ALG1: variants seen among roughly 807,000 people sequenced by gnomAD.
The protein encoded by ALG1 is ALG1 chitobiosyldiphosphodolichol beta-mannosyltransferase, also known as chitobiosyldiphosphodolichol beta-mannosyltransferase.
In ALG1, 58 loss-of-function variants were observed where a neutral mutation model predicts 55.1. That is an observed-to-expected ratio of 1.05 (90% CI 0.85 to 1.31). The LOEUF is 1.31. Among genes scored for constraint, ALG1 ranks in the 50% most tolerant of loss-of-function variants. The probability of loss-of-function intolerance (pLI) is 0.00; values close to 1 mark genes in which losing one functional copy is unlikely to be tolerated. For missense variants in ALG1, 761 were observed against 598.6 expected, an observed-to-expected ratio of 1.27 and a Z score of -2.83; for synonymous variants, 309 against 247.0, an observed-to-expected ratio of 1.25 and a Z score of -2.35.
At chr16:5,072,894 T>C in intron 1 of ALG1, 57 bp from the exon 2 acceptor site, 1 of 1,488,598 alleles carries the variant, frequency 6.7e-7, no homozygotes, top group Non-Finnish European at 9.4e-7. Flanking sequence ...GTTGGGAGAT[T>C]ATCTGACTTT....
chr16:5,073,696 A>G (rs907498637), intron 3 of ALG1, among the ~76,000 whole-genome samples: 9 of 152,248 alleles, frequency 5.9e-5, no homozygotes, highest in African/African-American at 1.9e-4. Flanking sequence ...ACACGCACGC[A>G]TACGCGCGCA....
At chr16:5,077,771 A>T in intron 5 of ALG1, 136 bp from the exon 6 acceptor site, 1 of 1,096,564 alleles carries the variant, frequency 9.1e-7, no homozygotes. Flanking sequence ...ATTCCCAAGT[A>T]ATTGCAAGGC....
At chr16:5,083,943 G>T (rs1311924974) in intron 12 of ALG1, among the ~76,000 whole-genome samples, 186 bp downstream of exon 12, 1 of 152,024 alleles carries the variant, frequency 6.6e-6, no homozygotes, top group Admixed American at 6.6e-5. Context: ...CAGTAGGCTC[G>T]GGAAAGTTAA....
chr16:5,075,057 C>T (rs1956884423), intron 3 of ALG1, among the ~76,000 whole-genome samples: 1 of 152,140 alleles, frequency 6.6e-6, no homozygotes, highest in Non-Finnish European at 1.5e-5. Context: ...GTGTGTCCCA[C>T]CACACCTGGC....
At chr16:5,077,227 C>A (rs1956929021) in intron 4 of ALG1, among the ~76,000 whole-genome samples, 1 of 152,052 alleles carries the variant, frequency 6.6e-6, no homozygotes, top group African/African-American at 2.4e-5. Context: ...GGCTGGAGTG[C>A]AGTTTCCTTT....
intron 9 of ALG1, among the ~76,000 whole-genome samples, chr16:5,080,665 C>T (rs1185828810): frequency 6.6e-6 from 1 of 152,202 alleles, no homozygotes; most frequent in East Asian, 1.9e-4. Flanking sequence ...ACCCAGTGGG[C>T]GGTCGGGTGC....
intron 5 of ALG1, 89 bp from the exon 6 acceptor site, chr16:5,077,818 G>A (rs914265232): frequency 1.6e-6 from 2 of 1,248,972 alleles, no homozygotes; most frequent in African/African-American, 2.9e-5. Flanking sequence ...GATTCCCCAA[G>A]CGTCCTTCTT....
intron 9 of ALG1, among the ~76,000 whole-genome samples, chr16:5,080,333 G>A (rs1255473473): frequency 6.6e-6 from 1 of 152,088 alleles, no homozygotes; most frequent in Non-Finnish European, 1.5e-5. Flanking sequence ...CCAATATGCT[G>A]GAATTACAGG....
At position 5,084,808 on chromosome 16, in the gene ALG1, T is replaced by C; in HGVS notation, c.1322T>C (p.Leu441Pro). Residue 441 changes from leucine to proline, a missense_variant, in exon 13 of 13, where the codon CTG becomes CCG. Transcript: ENST00000262374. ...AAGCTAAACCAGTTCCGGAAGAACC[T>C]GCGGGAGTCGCAGCAGCTCCGATGG... The part of the protein sequence containing the change: ...AGKLNQFRKN[L>P]RESQQLRWDE... The C allele has an allele frequency of 6.3e-7, 1 of 1,596,470 alleles. No individual in the cohort carries two copies.
chr16:5,072,970 G>C lies in ALG1; in HGVS notation c.228G>C (p.Glu76Asp). 6.2e-7 allele frequency: 1 copy of C among 1,614,196 alleles called. No homozygotes were observed. The change falls in exon 2 of 13, where the codon GAG becomes GAC. Residue 76 changes from glutamate to aspartate, a missense_variant. By Grantham distance (45) the Glu-to-Asp change is conservative. Transcript: ENST00000262374. ...LGFCNSKPHD[E>D]LLQNNRIQIV... ...TTTCAGACTCCAAACCCCATGATGAGCTCTTGCAGAACAACAGAATTCAGA... is the reference window on the plus strand; with the variant it reads ...TTTCAGACTCCAAACCCCATGATGACCTCTTGCAGAACAACAGAATTCAGA...
rs1956935335 is a variant in ALG1, at chr16:5,077,526, G to A, written c.621G>A (p.Trp207Ter). The change falls in exon 5 of 13, where the codon TGG becomes TGA. Residue 207 changes from tryptophan to a stop codon, truncating the protein, a stop_gained. Transcript: ENST00000262374. LOFTEE classifies it high-confidence loss of function. ...TGCGAGAAGACCTGGCGGATAACTGGCACATCAGGTACCATGGCCTGGGAT... is the reference window on the plus strand; with the variant it reads ...TGCGAGAAGACCTGGCGGATAACTGACACATCAGGTACCATGGCCTGGGAT... Reference protein sequence around the residue: ...NAMREDLADNWHIRAVTVYDK... With the variant: ...NAMREDLADN 1 of 1,614,048 alleles carries A rather than the reference G, an allele frequency of 6.2e-7. No homozygotes were observed. Among genetic ancestry groups the A allele is most frequent in the African/African-American group, 1.3e-5 (1 of 74,938 alleles).
In ALG1 at chr16:5,075,461, A is replaced by C; in HGVS notation, c.464A>C (p.Asp155Ala). The C allele has an allele frequency of 6.2e-7, 1 of 1,614,098 alleles. No homozygotes were observed. The highest frequency in any genetic ancestry group is 8.5e-7 in the Non-Finnish European group (1 of 1,180,038). Reference protein sequence around the residue: ...GCLCGSKLVIDWHNYGYSIMG... With the variant: ...GCLCGSKLVIAWHNYGYSIMG... ...CTTTGTGGAAGCAAGCTCGTCATTG[A>C]CTGGCACAACTATGGCTACTCCATC... Residue 155 changes from aspartate (D) to alanine (A), a missense_variant, in exon 4 of 13, where the codon GAC becomes GCC. Coordinates refer to ENST00000262374, the MANE Select transcript of ALG1 (RefSeq NM_019109.5).
intron 4 of ALG1, among the ~76,000 whole-genome samples, chr16:5,077,179 A>G (rs1452233923): frequency 6.6e-6 from 1 of 151,922 alleles, no homozygotes; most frequent in Non-Finnish European, 1.5e-5. Flanking sequence ...GTATTTATTT[A>G]TTTATTTATT....
In ALG1 at chr16:5,079,120, G is replaced by T. The variant is rs1463230291; in HGVS notation, c.901+18G>T. On this transcript the variant is annotated intron_variant, in intron 8 of 12. Transcript: ENST00000262374. ...TTTAGAAAGTAGGTGTGTGGCTGCG[G>T]TGAGGAGCTCTGGGCTTGTCGGGGG... The T allele has an allele frequency of 1.3e-6, 2 of 1,595,434 alleles. No individual in the cohort carries two copies. The highest frequency in any genetic ancestry group is 1.7e-6 in the Non-Finnish European group (2 of 1,179,244).
intron 9 of ALG1, 105 bp downstream of exon 9, chr16:5,079,912 C>T (rs1956986232): frequency 1.4e-6 from 2 of 1,410,308 alleles, no homozygotes; most frequent in South Asian, 1.2e-5. Flanking sequence ...CCTTAATCCT[C>T]ACTGCAGCTC....
At chr16:5,079,544 C>T (rs994139527) in intron 8 of ALG1, among the ~76,000 whole-genome samples, 1 of 152,134 alleles carries the variant, frequency 6.6e-6, no homozygotes, top group Non-Finnish European at 1.5e-5. Flanking sequence ...CAAAAATTAG[C>T]TAGGTATGGT....
Position 5,073,366 on chromosome 16 carries a change from G to T in ALG1, c.390+110G>T. The stretch of plus-strand genomic sequence containing the variant: ...ATATGTGTGTGTGTTGTGTGTATGG[G>T]CGTTTAAAGACATGAGTAGGAGCCT... On this transcript the variant is annotated intron_variant, in intron 3 of 12. Coordinates refer to ENST00000262374, the MANE Select transcript of ALG1 (RefSeq NM_019109.5). The T allele has an allele frequency of 6.1e-6, 6 of 980,076 alleles. No homozygotes were observed. In the South Asian group the frequency reaches 8.2e-5, roughly 13 times the overall value. 60.7% of individuals were successfully genotyped at this position (980,076 alleles called of 1,614,324 possible). A position where few individuals can be genotyped will look rare whatever the true frequency, so the allele number is the denominator to read the frequency against.
rs768469303 is a variant in ALG1 at position 5,077,541 on chromosome 16, T to C, written c.629+7T>C. ...CGGATAACTGGCACATCAGGTACCATGGCCTGGGATGACGGCGGCCTGGGA... is the reference window on the plus strand; with the variant it reads ...CGGATAACTGGCACATCAGGTACCACGGCCTGGGATGACGGCGGCCTGGGA... On this transcript the variant is annotated splice_region_variant and intron_variant, in intron 5 of 12. Coordinates refer to ENST00000262374, the MANE Select transcript of ALG1 (RefSeq NM_019109.5). The C allele has an allele frequency of 2.3e-5, 37 of 1,613,990 alleles. No homozygotes were observed. Among genetic ancestry groups the C allele is most frequent in the South Asian group, 4.4e-5 (4 of 91,076 alleles).
chr16:5,072,892 A>G, intron 1 of ALG1, 59 bp from the exon 2 acceptor site: 1 of 1,479,588 alleles, frequency 6.8e-7, no homozygotes, highest in Non-Finnish European at 9.5e-7. Context: ...GAGTTGGGAG[A>G]TTATCTGACT....
Sources: gnomAD v4.1 joint callset for allele counts (sites outside exome capture counted in the v4.1 genomes callset) on GRCh38, gnomAD v4.1.1 for gene constraint, MANE v1.5 for transcripts, NCBI Gene and HGNC (gene_info 2026-07-23, HGNC 2026-07-21) for gene names.